The following KHDRBS3 variants were observed in gnomAD, a reference collection of about 807,000 sequenced individuals.
KHDRBS3 encodes the protein KH domain-containing, RNA-binding, signal transduction-associated protein 3.
In KHDRBS3, 23 loss-of-function variants were observed where a neutral mutation model predicts 45.6. That is an observed-to-expected ratio of 0.50 (90% CI 0.36 to 0.72). The LOEUF (loss-of-function observed/expected upper bound fraction) is 0.72. Among genes scored for constraint, KHDRBS3 ranks in the 30% least tolerant of loss-of-function variants. The pLI is 0.00. For missense variants in KHDRBS3, 352 were observed against 424.8 expected (o/e 0.83, Z 1.51); for synonymous variants, 162 against 156.5 (o/e 1.04, Z -0.26).
chr8:135,492,919 A>G (rs2130433936), intron 1 of KHDRBS3, among the ~76,000 whole-genome samples: 1 of 152,320 alleles, frequency 6.6e-6, no homozygotes, highest in Middle Eastern at 3.4e-3. Flanking sequence ...AAGAAATGAT[A>G]TCTTAACAAT....
intron 1 of KHDRBS3, among the ~76,000 whole-genome samples, chr8:135,516,405 A>G (rs1431606037): frequency 6.6e-6 from 1 of 152,222 alleles, no homozygotes; most frequent in Non-Finnish European, 1.5e-5. Flanking sequence ...CTGCAAGGTT[A>G]CCACAGCTAA....
At chr8:135,463,867 A>G (rs1238253222) in intron 1 of KHDRBS3, among the ~76,000 whole-genome samples, 1 of 152,214 alleles carries the variant, frequency 6.6e-6, no homozygotes, top group East Asian at 1.9e-4. Flanking sequence ...CAATAGAAGG[A>G]GAGTGTTCCT....
At chr8:135,542,303 T>C (rs747441416) in intron 2 of KHDRBS3, 1 of 184,860 alleles carries the variant, frequency 5.4e-6, no homozygotes, top group Non-Finnish European at 1.1e-5. Context: ...GTGTCATTTT[T>C]TCTCACCTAC....
chr8:135,574,511 A>T (rs1827863577), intron 5 of KHDRBS3, among the ~76,000 whole-genome samples: 1 of 152,140 alleles, frequency 6.6e-6, no homozygotes, highest in African/African-American at 2.4e-5. Flanking sequence ...GGCTTCTTGA[A>T]TATATAAATG....
chr8:135,485,263 T>C (rs1822798194), intron 1 of KHDRBS3, among the ~76,000 whole-genome samples: 1 of 152,200 alleles, frequency 6.6e-6, no homozygotes, highest in African/African-American at 2.4e-5. Context: ...ATGAAAGATA[T>C]TGAATGAATG....
intron 5 of KHDRBS3, among the ~76,000 whole-genome samples, chr8:135,567,458 C>T (rs1827484798): frequency 6.6e-6 from 1 of 152,122 alleles, no homozygotes; most frequent in South Asian, 2.1e-4. Flanking sequence ...GGGTATTATA[C>T]ATCTTTTCTG....
chr8:135,621,835 A>G (rs1483181035), intron 7 of KHDRBS3, among the ~76,000 whole-genome samples: 1 of 152,116 alleles, frequency 6.6e-6, no homozygotes, highest in East Asian at 1.9e-4. Context: ...CTATAGAAAG[A>G]TCCATAGAGA....
At chr8:135,608,800 T>C (rs1016543588) in intron 7 of KHDRBS3, among the ~76,000 whole-genome samples, 4 of 152,244 alleles carry the variant, frequency 2.6e-5, no homozygotes, top group African/African-American at 9.6e-5. Context: ...GCTACACATC[T>C]GGGCTGTATG....
At chr8:135,512,642 T>C (rs1422650307) in intron 1 of KHDRBS3, among the ~76,000 whole-genome samples, 2 of 152,228 alleles carry the variant, frequency 1.3e-5, no homozygotes, top group African/African-American at 2.4e-5. Context: ...TAAATTATTT[T>C]AAACATTCAT....
intron 2 of KHDRBS3, among the ~76,000 whole-genome samples, chr8:135,534,144 C>T (rs543989397): frequency 1.3e-5 from 2 of 152,132 alleles, no homozygotes; most frequent in South Asian, 4.2e-4. Flanking sequence ...CTACTTTAGA[C>T]CCACCTCTAG....
chr8:135,591,052 A>C (rs1828720263), intron 6 of KHDRBS3, among the ~76,000 whole-genome samples: 1 of 152,200 alleles, frequency 6.6e-6, no homozygotes. Flanking sequence ...TAACTATAAG[A>C]TGTTTGTTGA....
chr8:135,651,634 T>C (rs569824739), downstream of KHDRBS3, among the ~76,000 whole-genome samples: 17 of 152,172 alleles, frequency 1.1e-4, no homozygotes, highest in Non-Finnish European at 2.1e-4. Flanking sequence ...TGGGCAGATA[T>C]AGTGCCTCAT....
chr8:135,480,514 G>A (rs1332378272), intron 1 of KHDRBS3, among the ~76,000 whole-genome samples: 5 of 152,042 alleles, frequency 3.3e-5, no homozygotes, highest in South Asian at 4.1e-4. Flanking sequence ...TGGATTATAA[G>A]TTTCCAAGAT....
rs757294977 is a variant in KHDRBS3 at position 135,501,399 on chromosome 8, T to C, written c.89-19838T>C. Among the ~76,000 whole-genome samples, 43 of 152,334 alleles carry C rather than the reference T, an allele frequency of 2.8e-4. 1 individual carries two copies. The highest frequency in any genetic ancestry group is 2.1e-3 in the South Asian group (10 of 4,826). On this transcript the variant is annotated intron_variant, in intron 1 of 8. Coordinates refer to ENST00000355849, the MANE Select transcript of KHDRBS3 (RefSeq NM_006558.3). ...GATCATGTTTTAGACAAAGTTTTTT[T>C]CTTTTAGCGTATTGTTTCTATGAGT...
intron 1 of KHDRBS3, among the ~76,000 whole-genome samples, chr8:135,482,499 T>C (rs1379926029): frequency 1.3e-5 from 2 of 152,192 alleles, no homozygotes; most frequent in Non-Finnish European, 2.9e-5. Flanking sequence ...TTCTCTGAAA[T>C]AATTCTTGAT....
intron 2 of KHDRBS3, among the ~76,000 whole-genome samples, chr8:135,535,875 C>T (rs989869950): frequency 2.0e-5 from 3 of 152,124 alleles, no homozygotes; most frequent in Non-Finnish European, 2.9e-5. Flanking sequence ...CCTTAAACAC[C>T]GATTCCTCCT....
intron 1 of KHDRBS3, among the ~76,000 whole-genome samples, chr8:135,487,340 C>T (rs953511134): frequency 7.9e-5 from 12 of 152,162 alleles, no homozygotes; most frequent in Non-Finnish European, 1.6e-4. Flanking sequence ...GTGTCTCTTT[C>T]TGCTCATTGT....
intron 6 of KHDRBS3, among the ~76,000 whole-genome samples, chr8:135,586,383 T>C (rs1828476259): frequency 6.6e-6 from 1 of 152,170 alleles, no homozygotes; most frequent in Non-Finnish European, 1.5e-5. Flanking sequence ...CTCTTCATCT[T>C]TGGAGAAAGT....
At chr8:135,469,517 GTTTTGGTTTTTTTTTTTTT>G (rs1821884232) in intron 1 of KHDRBS3, among the ~76,000 whole-genome samples, 1 of 30,678 alleles carries the variant, frequency 3.3e-5, no homozygotes, top group Non-Finnish European at 8.1e-5. Flanking sequence ...TTTTTTTTTT[GTTTTGGTTTTTTTTTTTTT>G]TTTTTTTTTT....
Sources: allele counts gnomAD v4.1 joint callset (sites outside exome capture counted in the v4.1 genomes callset), GRCh38; gene constraint gnomAD v4.1.1; transcripts MANE v1.5; gene names NCBI Gene and HGNC (gene_info 2026-07-23, HGNC 2026-07-21).